ITGB6: variants seen among roughly 807,000 people sequenced by gnomAD.
ITGB6 encodes the protein integrin beta-6.
In ITGB6, 80 loss-of-function variants were observed where a neutral mutation model predicts 84.5. The observed-to-expected ratio is 0.95, with a 90% confidence interval of 0.79 to 1.14. The LOEUF is 1.14. Among genes scored for constraint, ITGB6 ranks in the 50% most tolerant of loss-of-function variants. The pLI, the probability that ITGB6 is intolerant of heterozygous loss-of-function variation, is 0.00. For synonymous variants in ITGB6, 383 were observed against 354.9 expected (o/e 1.08, Z -0.89); for missense variants, 1,006 against 968.0 (o/e 1.04, Z -0.52).
At chr2:160,152,491 A>G (rs1420773022) in intron 7 of ITGB6, among the ~76,000 whole-genome samples, 2 of 152,244 alleles carry the variant, frequency 1.3e-5, no homozygotes, top group Non-Finnish European at 2.9e-5. Flanking sequence ...AGCCAATATC[A>G]TACTGAATGG....
At chr2:160,131,670 A>C (rs13003632) in intron 10 of ITGB6, among the ~76,000 whole-genome samples, 10,060 of 152,256 alleles carry the variant, frequency 0.066, 378 homozygotes, top group Middle Eastern at 0.14. Context: ...ATCCTTTGTG[A>C]TGTTACTAAA....
chr2:160,195,442 A>C lies in ITGB6; in HGVS notation c.520T>G (p.Phe174Val). ...ACAGGTTTTTCCACAAAAGATCCGA[A>C]GCCCAGTCTAAAGTTGCTGGTTAAT... Reference protein sequence around the residue: ...SKLTSNFRLGFGSFVEKPVSP... With the variant: ...SKLTSNFRLGVGSFVEKPVSP... Residue 174 changes from phenylalanine (F) to valine (V), a missense_variant, in exon 4 of 15, where the codon TTC becomes GTC. Physicochemically the swap from Phe to Val is conservative, Grantham distance 50. Coordinates refer to ENST00000283249, the MANE Select transcript of ITGB6 (RefSeq NM_000888.5). 1.2e-6 allele frequency: 2 copies of C among 1,614,210 alleles called. No homozygotes were observed. Among genetic ancestry groups the C allele is most frequent in the Non-Finnish European group, 1.7e-6 (2 of 1,180,014 alleles).
chr2:160,117,704 C>G (rs1242920475), intron 12 of ITGB6, among the ~76,000 whole-genome samples: 1 of 151,920 alleles, frequency 6.6e-6, no homozygotes, highest in Non-Finnish European at 1.5e-5. Context: ...AAAAACCCTT[C>G]AAAAAATTAA....
At chr2:160,195,798 G>C (rs983465447) in intron 3 of ITGB6, among the ~76,000 whole-genome samples, 183 bp from the exon 4 acceptor site, 6 of 152,214 alleles carry the variant, frequency 3.9e-5, no homozygotes, top group African/African-American at 1.4e-4. Context: ...TCAGCAGTGA[G>C]TTTAGAACTA....
chr2:160,161,785 A>G (rs1684826652), intron 7 of ITGB6, among the ~76,000 whole-genome samples: 1 of 152,190 alleles, frequency 6.6e-6, no homozygotes, highest in African/African-American at 2.4e-5. Context: ...TCCACACTAC[A>G]TTACTGGTGG....
chr2:160,108,980 A>C (rs1055160562), intron 13 of ITGB6, among the ~76,000 whole-genome samples: 1 of 152,254 alleles, frequency 6.6e-6, no homozygotes, highest in Non-Finnish European at 1.5e-5. Flanking sequence ...AGATATCTGC[A>C]TCTCTCTGCA....
At chr2:160,134,425 C>T (rs912659880) in intron 10 of ITGB6, among the ~76,000 whole-genome samples, 2 of 152,176 alleles carry the variant, frequency 1.3e-5, no homozygotes, top group Non-Finnish European at 2.9e-5. Context: ...AGCTTACCAA[C>T]CAAAAACAGT....
chr2:160,189,924 A>G (rs1686069782), intron 4 of ITGB6, among the ~76,000 whole-genome samples: 1 of 152,182 alleles, frequency 6.6e-6, no homozygotes. Flanking sequence ...TTGCGGCACT[A>G]TTCACAATAG....
At chr2:160,196,460 A>G in intron 2 of ITGB6, 40 bp from the exon 3 acceptor site, 1 of 1,515,012 alleles carries the variant, frequency 6.6e-7, no homozygotes, top group Non-Finnish European at 9.0e-7. Flanking sequence ...GAAAAAGAAA[A>G]CAAATCTGAA....
At chr2:160,124,728 C>G (rs558991442) in intron 11 of ITGB6, among the ~76,000 whole-genome samples, 69 of 152,166 alleles carry the variant, frequency 4.5e-4, no homozygotes, top group Non-Finnish European at 9.4e-4. Flanking sequence ...TGAAACACCC[C>G]ACCCGCACCC....
intron 14 of ITGB6, among the ~76,000 whole-genome samples, chr2:160,105,217 T>A (rs1696861262): frequency 6.6e-6 from 1 of 152,204 alleles, no homozygotes; most frequent in Non-Finnish European, 1.5e-5. Context: ...CTCAATTTAA[T>A]AAGGGAATAA....
chr2:160,134,261 A>T (rs1433601474), intron 10 of ITGB6, among the ~76,000 whole-genome samples: 1 of 152,248 alleles, frequency 6.6e-6, no homozygotes, highest in Non-Finnish European at 1.5e-5. Flanking sequence ...CTACCATCAG[A>T]GAATACTATA....
At chr2:160,153,295 C>T (rs975737861) in intron 7 of ITGB6, among the ~76,000 whole-genome samples, 1 of 152,158 alleles carries the variant, frequency 6.6e-6, no homozygotes, top group Non-Finnish European at 1.5e-5. Context: ...ACATCTACAA[C>T]CATCTGATCT....
At chr2:160,179,049 A>G (rs1417905822) in intron 4 of ITGB6, 3 of 152,108 alleles carry the variant, frequency 2.0e-5, no homozygotes, top group Non-Finnish European at 4.4e-5. Context: ...AGAAATAGGC[A>G]CCTCTCACCA....
chr2:160,116,134 A>G (rs886786547), intron 12 of ITGB6, among the ~76,000 whole-genome samples: 6 of 148,188 alleles, frequency 4.0e-5, no homozygotes, highest in African/African-American at 1.5e-4. Context: ...AAGGCAGGCC[A>G]ACGTTCAGAT....
chr2:160,110,985 G>A (rs956085849), intron 13 of ITGB6, among the ~76,000 whole-genome samples: 5 of 152,122 alleles, frequency 3.3e-5, no homozygotes, highest in Non-Finnish European at 7.3e-5. Flanking sequence ...AAAAGCATGG[G>A]GATAATAACA....
chr2:160,131,372 A>G (rs1308305541), intron 10 of ITGB6, among the ~76,000 whole-genome samples: 2 of 152,166 alleles, frequency 1.3e-5, no homozygotes, highest in East Asian at 3.9e-4. Context: ...ATGAAAAAGA[A>G]CATTGCGATA....
intron 5 of ITGB6, 37 bp downstream of exon 5, chr2:160,173,937 A>G: frequency 6.4e-7 from 1 of 1,554,770 alleles, no homozygotes; most frequent in Non-Finnish European, 8.7e-7. Flanking sequence ...GATGAATTTT[A>G]TGTTAACAGA....
chr2:160,189,741 T>G (rs1000181504), intron 4 of ITGB6, among the ~76,000 whole-genome samples: 9 of 151,902 alleles, frequency 5.9e-5, no homozygotes, highest in Admixed American at 2.0e-4. Context: ...TAGGAACACT[T>G]TTACACTGTT....
Sources: allele counts gnomAD v4.1 joint callset (sites outside exome capture counted in the v4.1 genomes callset), GRCh38; gene constraint gnomAD v4.1.1; transcripts MANE v1.5; gene names NCBI Gene and HGNC (gene_info 2026-07-23, HGNC 2026-07-21).